TENM4: variants seen among roughly 807,000 people sequenced by gnomAD.
TENM4 encodes the protein teneurin transmembrane protein 4.
TENM4 carries 82 observed loss-of-function variants against 243.3 expected under a neutral mutation model. That is an observed-to-expected ratio of 0.34 (90% CI 0.28 to 0.40). TENM4 has a LOEUF of 0.40. TENM4 is among the 10% of genes least tolerant of loss of function. TENM4 has a pLI of 1.00. For synonymous variants in TENM4, 1,412 were observed against 1,456.3 expected (o/e 0.97, Z 0.69); for missense variants, 3,138 against 3,673.3 (o/e 0.85, Z 3.77).
chr11:78,846,912 T>C (rs117669450), intron 12 of TENM4, among the ~76,000 whole-genome samples: 1 of 152,342 alleles, frequency 6.6e-6, no homozygotes, highest in East Asian at 1.9e-4. Flanking sequence ...AGAGTACCAA[T>C]GTAGCAAGCT....
At chr11:78,770,610 G>A (rs142459294) in intron 18 of TENM4, among the ~76,000 whole-genome samples, 81 of 152,268 alleles carry the variant, frequency 5.3e-4, no homozygotes, top group African/African-American at 1.6e-3. Flanking sequence ...TGGGAGAAGC[G>A]TCCCTCTGCA....
chr11:79,145,937 T>C (rs571694936), intron 4 of TENM4, among the ~76,000 whole-genome samples: 8 of 152,234 alleles, frequency 5.3e-5, no homozygotes, highest in African/African-American at 1.9e-4. Flanking sequence ...TATCTGAGTC[T>C]TTTGCCCATT....
rs1473220605 is a variant in TENM4, at chr11:78,771,079, G to A, written c.2452C>T (p.His818Tyr). The A allele has an allele frequency of 8.2e-6, 13 of 1,576,820 alleles. No homozygotes were observed. The highest frequency in any genetic ancestry group is 2.3e-5 in the East Asian group (1 of 42,790). The change falls in exon 18 of 34, where the codon CAC becomes TAC. Residue 818 changes from histidine to tyrosine, a missense_variant. Around this residue, in one of 2 missense-constraint regions of TENM4, gnomAD observed 2,467 missense variants for 3,059.1 expected, o/e 0.81. Transcript: ENST00000278550. Reference sequence around the variant, plus strand: ...CTCCAGCCCAGCTGGCAGACGCAGTGCCAACCATTCAGGTCTAAGGTACAT... The same window carrying A: ...CTCCAGCCCAGCTGGCAGACGCAGTACCAACCATTCAGGTCTAAGGTACAT... ...GRCTLDLNGW[H>Y]CVCQLGWRGA...
chr11:79,059,405 T>C (rs1860030760), intron 6 of TENM4, among the ~76,000 whole-genome samples: 1 of 152,204 alleles, frequency 6.6e-6, no homozygotes, highest in Non-Finnish European at 1.5e-5. Context: ...AATGAGCCTC[T>C]GCACCCTCAG....
intron 2 of TENM4, among the ~76,000 whole-genome samples, chr11:79,247,416 C>CAAA (rs34265803): frequency 1.7e-4 from 14 of 81,352 alleles, no homozygotes; most frequent in South Asian, 4.8e-4. Flanking sequence ...GACTCTGTCT[C>CAAA]AAAAAAAAAA....
intron 2 of TENM4, among the ~76,000 whole-genome samples, chr11:79,229,749 G>A (rs1864339982): frequency 6.6e-6 from 1 of 152,184 alleles, no homozygotes; most frequent in Non-Finnish European, 1.5e-5. Context: ...TACATTGAAA[G>A]GACAGTGCTT....
intron 1 of TENM4, among the ~76,000 whole-genome samples, chr11:79,327,609 A>T (rs2135438386): frequency 6.6e-6 from 1 of 150,948 alleles, no homozygotes; most frequent in East Asian, 2.0e-4. Context: ...GTTGCCCCAA[A>T]TCACTTATAG....
chr11:79,207,955 G>A lies in TENM4; in HGVS notation c.-163+7853C>T, dbSNP rs1003715317. Among the ~76,000 whole-genome samples, 9 of 151,684 alleles carry A rather than the reference G, an allele frequency of 5.9e-5. No homozygotes were observed. The South Asian group carries it at 8.4e-4, about 14-fold the overall frequency. On this transcript the variant is annotated intron_variant, in intron 3 of 33. Transcript: ENST00000278550. ...GTCTGGGCTTCCTCTGGAGAGCAAC[G>A]GGAAGCCACTGAAAATCACTAACTA...
intron 8 of TENM4, 45 bp from the exon 9 acceptor site, chr11:78,890,065 A>C: frequency 6.8e-7 from 1 of 1,470,178 alleles, no homozygotes; most frequent in Non-Finnish European, 9.1e-7. Context: ...CTGCCCACAG[A>C]CCAGGCACCC....
intron 19 of TENM4, among the ~76,000 whole-genome samples, chr11:78,753,779 C>CAAA (rs1856243784): frequency 6.6e-6 from 1 of 151,572 alleles, no homozygotes; most frequent in African/African-American, 2.4e-5. Context: ...ATTTGTAGAG[C>CAAA]AAATACTATA....
At chr11:79,230,344 C>T (rs968825259) in intron 2 of TENM4, among the ~76,000 whole-genome samples, 12 of 152,170 alleles carry the variant, frequency 7.9e-5, no homozygotes, top group Non-Finnish European at 1.3e-4. Flanking sequence ...CTAAGAGCTT[C>T]GAAGCAGTGG....
chr11:79,209,033 A>G (rs1863903842), intron 3 of TENM4, among the ~76,000 whole-genome samples: 4 of 152,200 alleles, frequency 2.6e-5, no homozygotes, highest in Admixed American at 2.6e-4. Flanking sequence ...CGCAGGTGCA[A>G]TTAGCAACAG....
intron 1 of TENM4, among the ~76,000 whole-genome samples, chr11:79,314,429 T>C (rs1388828672): frequency 6.6e-6 from 1 of 152,112 alleles, no homozygotes; most frequent in Non-Finnish European, 1.5e-5. Flanking sequence ...TGGTGTTGAG[T>C]CTTGCTGACC....
chr11:78,863,229 G>T lies in TENM4; in HGVS notation c.1085-97C>A, dbSNP rs1197979384. On this transcript the variant is annotated intron_variant, in intron 9 of 33. Transcript: ENST00000278550. ...AAGGTGGGCAGGGTGGGGGAACACAGGCATTCAGTTCAGTTCAACAAGTAG... is the reference window on the plus strand; with the variant it reads ...AAGGTGGGCAGGGTGGGGGAACACATGCATTCAGTTCAGTTCAACAAGTAG... 5 of 1,338,146 alleles carry T rather than the reference G, an allele frequency of 3.7e-6. No individual in the cohort carries two copies. The East Asian group carries it at 7.9e-5, about 21-fold the overall frequency. 82.9% of individuals were successfully genotyped at this position (1,338,146 alleles called of 1,614,324 possible). A position where few individuals can be genotyped will look rare whatever the true frequency, so the allele number is the denominator to read the frequency against.
intron 18 of TENM4, among the ~76,000 whole-genome samples, chr11:78,768,632 G>A (rs1041028113): frequency 7.2e-5 from 11 of 152,212 alleles, no homozygotes; most frequent in African/African-American, 2.2e-4. Context: ...AATAAACTAC[G>A]TGCAAGCTCA....
At chr11:79,028,828 G>T (rs35969818) in intron 6 of TENM4, among the ~76,000 whole-genome samples, 9,123 of 152,212 alleles carry the variant, frequency 0.06, 665 homozygotes, top group African/African-American at 0.18. Flanking sequence ...ATTGTGTGGG[G>T]CACTAGTTAA....
chr11:78,811,208 C>T (rs1490141997), intron 14 of TENM4, among the ~76,000 whole-genome samples: 1 of 152,136 alleles, frequency 6.6e-6, no homozygotes, highest in Non-Finnish European at 1.5e-5. Context: ...TATCTGATTC[C>T]AGAGTGTGCA....
intron 1 of TENM4, among the ~76,000 whole-genome samples, chr11:79,426,573 T>C (rs528959765): frequency 6.6e-6 from 1 of 152,252 alleles, no homozygotes; most frequent in African/African-American, 2.4e-5. Flanking sequence ...GTGGTAGCAG[T>C]GGAGAGCATG....
chr11:79,299,663 G>T (rs1169393509), intron 1 of TENM4, among the ~76,000 whole-genome samples: 3 of 152,096 alleles, frequency 2.0e-5, no homozygotes, highest in Non-Finnish European at 2.9e-5. Context: ...TAGTAACCGA[G>T]GAAATAGAAA....
Sources: allele counts gnomAD v4.1 joint callset (sites outside exome capture counted in the v4.1 genomes callset), GRCh38; gene constraint gnomAD v4.1.1; regional missense constraint gnomAD v4.1.1; transcripts MANE v1.5; gene names NCBI Gene and HGNC (gene_info 2026-07-23, HGNC 2026-07-21).